Variants in COG5 observed in about 807,000 individuals in gnomAD.
COG5 encodes the protein conserved oligomeric Golgi complex subunit 5.
In COG5, 86 loss-of-function variants were observed where a neutral mutation model predicts 110.4. The observed-to-expected ratio is 0.78, with a 90% confidence interval of 0.65 to 0.93. COG5 has a LOEUF of 0.93. Among genes scored for constraint, COG5 ranks in the 40% least tolerant of loss-of-function variants. The probability of loss-of-function intolerance (pLI) is 0.00; values close to 1 mark genes in which losing one functional copy is unlikely to be tolerated. For synonymous variants in COG5, 360 were observed against 334.6 expected (o/e 1.08, Z -0.83); for missense variants, 1,077 against 987.0 (o/e 1.09, Z -1.22).
intron 5 of COG5, among the ~76,000 whole-genome samples, chr7:107,543,447 C>G (rs1346608121): frequency 6.6e-6 from 1 of 152,186 alleles, no homozygotes; most frequent in Non-Finnish European, 1.5e-5. Context: ...CAGGCCAGTA[C>G]TTCCAGACTA....
At chr7:107,396,551 G>A (rs1276920815) in intron 7 of COG5, among the ~76,000 whole-genome samples, 1 of 151,020 alleles carries the variant, frequency 6.6e-6, no homozygotes, top group East Asian at 1.9e-4. Flanking sequence ...GGTGGGAAAT[G>A]AGAGAAAAAT....
intron 10 of COG5, among the ~76,000 whole-genome samples, chr7:107,358,477 G>C (rs1812820144): frequency 6.6e-6 from 1 of 152,002 alleles, no homozygotes; most frequent in South Asian, 2.1e-4. Flanking sequence ...TAGAAAGCAG[G>C]GTAAAGTTAC....
At chr7:107,273,274 G>C (rs914175077) in intron 14 of COG5, among the ~76,000 whole-genome samples, 6 of 152,092 alleles carry the variant, frequency 3.9e-5, no homozygotes, top group Admixed American at 2.6e-4. Context: ...GTTTTCTTTC[G>C]ATCTTATTAT....
At chr7:107,436,813 A>G (rs1361991850) in intron 6 of COG5, among the ~76,000 whole-genome samples, 3 of 152,234 alleles carry the variant, frequency 2.0e-5, no homozygotes, top group Non-Finnish European at 2.9e-5. Context: ...ATGAGTGCTC[A>G]GCAAATGTCA....
intron 14 of COG5, among the ~76,000 whole-genome samples, chr7:107,259,264 ACTCC>A: frequency 6.6e-6 from 1 of 152,136 alleles, no homozygotes; most frequent in South Asian, 2.1e-4. Context: ...AGGTTAAACA[ACTCC>A]AATTTATTTT....
intron 6 of COG5, among the ~76,000 whole-genome samples, chr7:107,460,239 C>A (rs1563047977): frequency 6.6e-6 from 1 of 151,828 alleles, no homozygotes; most frequent in East Asian, 1.9e-4. Context: ...CCTGTCTCTA[C>A]AAAAAATACA....
chr7:107,489,397 A>C (rs1020553267), intron 6 of COG5, among the ~76,000 whole-genome samples: 1 of 152,196 alleles, frequency 6.6e-6, no homozygotes. Context: ...ATTAAATTTA[A>C]AAAAGAAAGC....
intron 6 of COG5, among the ~76,000 whole-genome samples, chr7:107,461,289 AAAC>A (rs1795977618): frequency 6.6e-6 from 1 of 152,202 alleles, no homozygotes; most frequent in Non-Finnish European, 1.5e-5. Flanking sequence ...AACATTAAAA[AAAC>A]AAATCCATGT....
intron 11 of COG5, among the ~76,000 whole-genome samples, chr7:107,316,693 G>T (rs1018382626): frequency 2.7e-5 from 4 of 150,146 alleles, no homozygotes; most frequent in Admixed American, 6.6e-5. Flanking sequence ...TTAGCCAGGC[G>T]TGGTGGCGGG....
intron 6 of COG5, among the ~76,000 whole-genome samples, chr7:107,422,415 T>A (rs1266307025): frequency 6.6e-6 from 1 of 152,132 alleles, no homozygotes; most frequent in African/African-American, 2.4e-5. Flanking sequence ...TAATCCCAGC[T>A]ACTTGGGAGG....
chr7:107,552,693 C>T (rs1200683309), intron 3 of COG5, among the ~76,000 whole-genome samples: 1 of 152,142 alleles, frequency 6.6e-6, no homozygotes, highest in Non-Finnish European at 1.5e-5. Context: ...GGTACAGCCA[C>T]TGTGGAAAGC....
At chr7:107,369,167 T>G (rs953473292) in intron 8 of COG5, among the ~76,000 whole-genome samples, 1 of 152,152 alleles carries the variant, frequency 6.6e-6, no homozygotes. Flanking sequence ...TATGTGCACA[T>G]GCAAAAACAA....
At chr7:107,399,552 C>T (rs1311415767) in intron 7 of COG5, among the ~76,000 whole-genome samples, 1 of 152,168 alleles carries the variant, frequency 6.6e-6, no homozygotes, top group Non-Finnish European at 1.5e-5. Flanking sequence ...TGCCTCATCC[C>T]CTTCTGCCAT....
In COG5 at chr7:107,505,816, C is replaced by T. The variant is rs113690075; in HGVS notation, c.538+21421G>A. 6.6e-5 allele frequency among the ~76,000 whole-genome samples: 10 copies of T among 152,288 alleles called. 3 individuals are homozygous for T. Among genetic ancestry groups the T allele is most frequent in the African/African-American group, 2.4e-4 (10 of 41,556 alleles). The stretch of plus-strand genomic sequence containing the variant: ...TCCCTTCCCCTAGAAACAGGTGTCC[C>T]TAAGGGCAAGAATACTGTGAATGCT... On this transcript the variant is annotated intron_variant, in intron 6 of 21. Transcript: ENST00000297135.
chr7:107,285,984 G>T (rs1007286788), intron 12 of COG5, among the ~76,000 whole-genome samples: 18 of 152,068 alleles, frequency 1.2e-4, no homozygotes, highest in Non-Finnish European at 2.5e-4. Flanking sequence ...AGTGCTAAGA[G>T]AAAAATAAAG....
At chr7:107,288,929 T>G (rs1377384755) in intron 12 of COG5, among the ~76,000 whole-genome samples, 10,902 of 66,728 alleles carry the variant, frequency 0.16, 912 homozygotes, top group Middle Eastern at 0.22. Context: ...TATATATATA[T>G]ATATATATAT....
chr7:107,314,436 C>CT (rs1562964388), intron 11 of COG5, among the ~76,000 whole-genome samples: 1 of 152,000 alleles, frequency 6.6e-6, no homozygotes, highest in Non-Finnish European at 1.5e-5. Flanking sequence ...TTAATAAATA[C>CT]TTTTTTAAAA....
rs10566928 is a variant in COG5, at chr7:107,556,663, CTG to C, written c.234+1311_234+1312del. Among the ~76,000 whole-genome samples the C allele has an allele frequency of 8.2e-3, 1,256 of 152,322 alleles. 17 individuals are homozygous for C. The highest frequency in any genetic ancestry group is 0.026 in the African/African-American group (1,094 of 41,570). On this transcript the variant is annotated intron_variant, in intron 2 of 21. Transcript: ENST00000297135. ...CTCGCTTGCCTACCATTATTTCTGT[CTG>C]TGTCTGCCACTGGTCTGTGGGTCCT...
At chr7:107,289,176 T>G (rs1805949623) in intron 12 of COG5, among the ~76,000 whole-genome samples, 1 of 151,612 alleles carries the variant, frequency 6.6e-6, no homozygotes, top group African/African-American at 2.4e-5. Flanking sequence ...TTTGATCCAT[T>G]TTGAGTTAAT....
Sources: allele counts gnomAD v4.1 joint callset (sites outside exome capture counted in the v4.1 genomes callset), GRCh38; gene constraint gnomAD v4.1.1; transcripts MANE v1.5; gene names NCBI Gene and HGNC (gene_info 2026-07-23, HGNC 2026-07-21).